NBEAL1: variants seen among roughly 807,000 people sequenced by gnomAD.
NBEAL1 encodes the protein neurobeachin-like protein 1.
NBEAL1 carries 273 observed loss-of-function variants against 351.3 expected under a neutral mutation model. That is an observed-to-expected ratio of 0.78 (90% CI 0.70 to 0.86). NBEAL1 has a LOEUF of 0.86. Ranked by LOEUF, NBEAL1 falls within the 40% of genes least tolerant of loss-of-function variation. NBEAL1 has a pLI of 0.00. For synonymous variants in NBEAL1, 1,050 were observed against 1,086.4 expected (o/e 0.97, Z 0.66); for missense variants, 2,961 against 3,201.3 (o/e 0.92, Z 1.81).
At position 203,118,370 on chromosome 2, in the gene NBEAL1, G is replaced by A. The variant is rs749398880; in HGVS notation, c.2592+2300G>A. Among the ~76,000 whole-genome samples the A allele has an allele frequency of 5.3e-5, 8 of 152,012 alleles. No individual in the cohort carries two copies. The East Asian group carries it at 1.5e-3, about 29-fold the overall frequency. Reference sequence around the variant, plus strand: ...ATCCTGGATCCAAAGTTTATGCATTGCATTGGTTATAAGGTCTCTTGAGTC... The same window carrying A: ...ATCCTGGATCCAAAGTTTATGCATTACATTGGTTATAAGGTCTCTTGAGTC... On this transcript the variant is annotated intron_variant, in intron 18 of 55. Coordinates refer to ENST00000683969, the MANE Select transcript of NBEAL1 (RefSeq NM_001378026.1).
chr2:203,044,380 C>T (rs1163381882), intron 3 of NBEAL1, among the ~76,000 whole-genome samples: 1 of 152,072 alleles, frequency 6.6e-6, no homozygotes, highest in Non-Finnish European at 1.5e-5. Flanking sequence ...TTATAGCTTG[C>T]TTTAAATCAT....
Position 203,199,350 on chromosome 2 carries a change from A to G in NBEAL1, c.7141A>G (p.Met2381Val). 1.3e-6 allele frequency: 2 copies of G among 1,576,890 alleles called. No individual in the cohort carries two copies. Among genetic ancestry groups the G allele is most frequent in the Non-Finnish European group, 8.7e-7 (1 of 1,149,326 alleles). Residue 2381 changes from methionine (M) to valine (V), a missense_variant, in exon 49 of 56, where the codon ATG becomes GTG. Coordinates refer to ENST00000683969, the MANE Select transcript of NBEAL1 (RefSeq NM_001378026.1). ...GSPELLITIS[M>V]NYVIGTHGWL... ...TGTTCTTTTCCAGATAACAATAAGC[A>G]TGAATTATGTTATTGGAACCCATGG...
intron 6 of NBEAL1, among the ~76,000 whole-genome samples, chr2:203,058,633 A>G (rs2061445453): frequency 6.6e-6 from 1 of 152,228 alleles, no homozygotes; most frequent in Non-Finnish European, 1.5e-5. Flanking sequence ...ACCAACTGCC[A>G]TTACTACAAT....
intron 10 of NBEAL1, among the ~76,000 whole-genome samples, chr2:203,087,179 G>A (rs1022129380): frequency 8.3e-5 from 11 of 133,252 alleles, no homozygotes; most frequent in Admixed American, 3.5e-4. Context: ...CTGAACCTCC[G>A]CCTCCTGGGT....
At chr2:203,193,938 AAG>A (rs1276539526) in intron 47 of NBEAL1, 27 bp downstream of exon 47, 2 of 1,290,978 alleles carry the variant, frequency 1.5e-6, no homozygotes, top group Non-Finnish European at 2.2e-6. Context: ...TAATATCAAA[AAG>A]AGTTTTCTCT....
At chr2:203,161,907 A>G (rs1264794055) in intron 36 of NBEAL1, among the ~76,000 whole-genome samples, 2 of 151,678 alleles carry the variant, frequency 1.3e-5, no homozygotes, top group East Asian at 3.9e-4. Context: ...TAAGACTGCC[A>G]TCCTTTGCCA....
rs1037077293 is a variant in NBEAL1 at position 203,193,820 on chromosome 2, C to A, written c.6947C>A (p.Ala2316Glu). 1.2e-6 allele frequency: 2 copies of A among 1,611,512 alleles called. No individual in the cohort carries two copies. Among genetic ancestry groups the A allele is most frequent in the Non-Finnish European group, 1.7e-6 (2 of 1,178,554 alleles). ...LKEPHPPRLSAEEAVQKPTKI... is the reference protein window; with the variant it reads ...LKEPHPPRLSEEEAVQKPTKI... ...GAACCACACCCTCCAAGATTATCAG[C>A]AGAAGAAGCAGTGCAGAAGCCAACC... Residue 2316 changes from alanine (A) to glutamate (E), a missense_variant, in exon 47 of 56, where the codon GCA (alanine) becomes GAA (glutamate). Coordinates refer to ENST00000683969, the MANE Select transcript of NBEAL1 (RefSeq NM_001378026.1).
intron 36 of NBEAL1, among the ~76,000 whole-genome samples, chr2:203,158,651 A>G (rs897433540): frequency 6.6e-6 from 1 of 152,108 alleles, no homozygotes; most frequent in Non-Finnish European, 1.5e-5. Context: ...GAATTATAGG[A>G]GGAAAACAAA....
At chr2:203,158,546 C>A (rs538310266) in intron 36 of NBEAL1, among the ~76,000 whole-genome samples, 18 of 152,038 alleles carry the variant, frequency 1.2e-4, no homozygotes, top group Non-Finnish European at 2.5e-4. Flanking sequence ...TCCTCATCTC[C>A]TCTTTGTGTC....
chr2:203,192,963 CTTTTTTTTTTT>C (rs71408917), intron 46 of NBEAL1, among the ~76,000 whole-genome samples: 2 of 99,332 alleles, frequency 2.0e-5, no homozygotes, highest in African/African-American at 3.9e-5. Context: ...TTCTTTCTTT[CTTTTTTTTTTT>C]TTTTTTTTTT....
chr2:203,122,189 T>C (rs1355596797), intron 18 of NBEAL1, 65 bp from the exon 19 acceptor site: 2 of 872,624 alleles, frequency 2.3e-6, no homozygotes, highest in Non-Finnish European at 3.5e-6. Flanking sequence ...TGAAATGTTC[T>C]ATATGTGGTT....
intron 18 of NBEAL1, among the ~76,000 whole-genome samples, chr2:203,117,379 C>T (rs1042202076): frequency 2.0e-5 from 3 of 151,482 alleles, no homozygotes; most frequent in African/African-American, 7.3e-5. Flanking sequence ...AGGAGAATGG[C>T]ACGAACTGGG....
intron 45 of NBEAL1, among the ~76,000 whole-genome samples, chr2:203,189,387 A>T (rs771773109): frequency 4.6e-5 from 7 of 152,010 alleles, no homozygotes; most frequent in Non-Finnish European, 7.4e-5. Context: ...ATTTTTATTT[A>T]TTTATTTTTT....
intron 25 of NBEAL1, 125 bp downstream of exon 25, chr2:203,130,601 AT>A: frequency 1.8e-6 from 1 of 566,724 alleles, no homozygotes; most frequent in Non-Finnish European, 2.7e-6. Flanking sequence ...TGTTCAACTT[AT>A]TTTTATATAT....
At chr2:203,151,947 CT>C (rs1174155322) in intron 35 of NBEAL1, among the ~76,000 whole-genome samples, 4 of 151,520 alleles carry the variant, frequency 2.6e-5, no homozygotes, top group African/African-American at 9.7e-5. Flanking sequence ...CTTAGCAATC[CT>C]TTTTTTTCTT....
At chr2:203,133,704 GATAT>G (rs139371910) in intron 27 of NBEAL1, among the ~76,000 whole-genome samples, 20 of 143,446 alleles carry the variant, frequency 1.4e-4, no homozygotes, top group African/African-American at 4.3e-4. Flanking sequence ...CACAGTTCTT[GATAT>G]ATATATATAT....
Position 203,136,238 on chromosome 2 carries a change from C to T in NBEAL1, c.4375C>T (p.Leu1459Phe), listed in dbSNP as rs369924149. Residue 1459 changes from leucine (L) to phenylalanine (F), a missense_variant, in exon 28 of 56, where the codon CTT (leucine) becomes TTT (phenylalanine). Physicochemically the swap from Leu to Phe is conservative, Grantham distance 22. Coordinates refer to ENST00000683969, the MANE Select transcript of NBEAL1 (RefSeq NM_001378026.1). ...GGGCTTTAGTGATGACTTCTCTTTA[C>T]TTGAAAGCCAAGAGGTAAAATTGCT... is the stretch of plus-strand genomic sequence containing the variant. Reference protein sequence around the residue: ...DMGFSDDFSLLESQERCEEEL... With the variant: ...DMGFSDDFSLFESQERCEEEL... 1 of 1,570,730 alleles carries T rather than the reference C, an allele frequency of 6.4e-7. No individual in the cohort carries two copies. Among genetic ancestry groups the T allele is most frequent in the Non-Finnish European group, 8.6e-7 (1 of 1,164,158 alleles).
chr2:203,061,834 T>C lies in NBEAL1; in HGVS notation c.515+4381T>C, dbSNP rs1356034429. On this transcript the variant is annotated intron_variant, in intron 6 of 55. Transcript: ENST00000683969. ...ATTTATAGGGTTGTTTTCTCCAGTG[T>C]GAGTTTTCTGGTGCATTTGAAATAA... is the stretch of plus-strand genomic sequence containing the variant. 3.0e-5 allele frequency: 5 copies of C among 169,034 alleles called. No homozygotes were observed. The South Asian group carries it at 5.5e-4, about 19-fold the overall frequency. The allele number at this position is 169,034 out of a possible 1,614,324, so 10.5% of individuals were successfully genotyped here.
At chr2:203,076,453 G>A (rs1470885469) in intron 7 of NBEAL1, among the ~76,000 whole-genome samples, 1 of 138,724 alleles carries the variant, frequency 7.2e-6, no homozygotes, top group East Asian at 2.1e-4. Flanking sequence ...CTCCAGCCTA[G>A]GCAATAAAGT....
Sources: allele counts gnomAD v4.1 joint callset (sites outside exome capture counted in the v4.1 genomes callset), GRCh38; gene constraint gnomAD v4.1.1; transcripts MANE v1.5; gene names NCBI Gene and HGNC (gene_info 2026-07-23, HGNC 2026-07-21).